MAML3: variants seen among roughly 807,000 people sequenced by gnomAD.
The protein encoded by MAML3 is mastermind like transcriptional coactivator 3, also known as mastermind-like protein 3.
MAML3 carries 27 observed loss-of-function variants against 101.9 expected under a neutral mutation model. That is an observed-to-expected ratio of 0.27 (90% CI 0.20 to 0.37). The LOEUF is 0.37. Ranked by LOEUF, MAML3 falls within the 10% of genes least tolerant of loss-of-function variation. The probability of loss-of-function intolerance (pLI) is 1.00; values close to 1 mark genes in which losing one functional copy is unlikely to be tolerated. For synonymous variants in MAML3, 501 were observed against 555.9 expected, an observed-to-expected ratio of 0.90 and a Z score of 1.39; for missense variants, 1,316 against 1,444.9, an observed-to-expected ratio of 0.91 and a Z score of 1.45.
At chr4:140,125,502 CTTA>C (rs1370480119) in intron 1 of MAML3, among the ~76,000 whole-genome samples, 3 of 152,118 alleles carry the variant, frequency 2.0e-5, no homozygotes, top group Non-Finnish European at 1.5e-5. Flanking sequence ...TGACTTTATT[CTTA>C]TTTGTCCTTT....
chr4:139,873,084 A>AAAAT (rs576589955), intron 2 of MAML3, among the ~76,000 whole-genome samples: 1,560 of 152,012 alleles, frequency 0.01, 10 homozygotes, highest in Admixed American at 0.015. Context: ...TCCATCTCAA[A>AAAAT]AAATAAATAA....
intron 2 of MAML3, among the ~76,000 whole-genome samples, chr4:139,777,851 T>C (rs1730120922): frequency 6.6e-6 from 1 of 152,224 alleles, no homozygotes; most frequent in Non-Finnish European, 1.5e-5. Flanking sequence ...TTACCCACCC[T>C]TCTCTCCCTG....
At chr4:139,821,316 C>G (rs1244017941) in intron 2 of MAML3, among the ~76,000 whole-genome samples, 1 of 152,108 alleles carries the variant, frequency 6.6e-6, no homozygotes, top group Non-Finnish European at 1.5e-5. Flanking sequence ...TGAGCATTAC[C>G]CCCTAAGCTC....
chr4:140,044,919 G>C (rs777838881), intron 1 of MAML3, among the ~76,000 whole-genome samples: 71 of 152,198 alleles, frequency 4.7e-4, no homozygotes, highest in Admixed American at 1.7e-3. Flanking sequence ...TCAGAGGCCA[G>C]AGATATTTAC....
intron 1 of MAML3, among the ~76,000 whole-genome samples, chr4:140,081,056 A>G (rs1578674988): frequency 6.6e-6 from 1 of 152,224 alleles, no homozygotes; most frequent in Admixed American, 6.5e-5. Context: ...GTTACAATGC[A>G]TAGACCACAT....
In MAML3 at chr4:139,719,702, G is replaced by A. The variant is rs777731210; in HGVS notation, c.3038C>T (p.Ala1013Val). The A allele has an allele frequency of 1.2e-6, 2 of 1,613,588 alleles. No homozygotes were observed. The highest frequency in any genetic ancestry group is 1.7e-6 in the Non-Finnish European group (2 of 1,179,784). Residue 1013 changes from alanine (A) to valine (V), a missense_variant, in exon 5 of 5, where the codon GCT becomes GTT. Ala to Val is a moderately conservative substitution (Grantham distance 64, BLOSUM62 0). Coordinates refer to ENST00000509479, the MANE Select transcript of MAML3 (RefSeq NM_018717.5). ...GAGGGTCCTCACTGTGCCCGTGTTA[G>A]CATCCACGACTGACTGGCTCAGTCC... ...PQGLSQSVVD[A>V]NTGTVRTLNP...
intron 1 of MAML3, among the ~76,000 whole-genome samples, chr4:140,028,584 T>C (rs1726862581): frequency 6.6e-6 from 1 of 152,214 alleles, no homozygotes; most frequent in Non-Finnish European, 1.5e-5. Context: ...TTATTTGTTT[T>C]CTTCTTTTTT....
At chr4:139,745,128 T>G (rs1579385266) in intron 2 of MAML3, among the ~76,000 whole-genome samples, 1 of 149,380 alleles carries the variant, frequency 6.7e-6, no homozygotes, top group African/African-American at 2.5e-5. Flanking sequence ...TGGATTTGAG[T>G]GAGAAGAGAA....
At chr4:140,031,886 A>G (rs1241562505) in intron 1 of MAML3, among the ~76,000 whole-genome samples, 1 of 152,176 alleles carries the variant, frequency 6.6e-6, no homozygotes, top group African/African-American at 2.4e-5. Context: ...AAATTCTCCT[A>G]CGTTTCTATT....
intron 1 of MAML3, among the ~76,000 whole-genome samples, chr4:139,988,144 T>A (rs1198832399): frequency 6.7e-6 from 1 of 149,802 alleles, no homozygotes; most frequent in Non-Finnish European, 1.5e-5. Flanking sequence ...CTGGCCAACA[T>A]GGCGAAACCC....
At chr4:140,104,289 G>A (rs752805484) in intron 1 of MAML3, among the ~76,000 whole-genome samples, 2 of 139,216 alleles carry the variant, frequency 1.4e-5, no homozygotes, top group South Asian at 4.5e-4. Flanking sequence ...GGAGGCTGAG[G>A]CAGGAGGATT....
chr4:140,025,205 T>A (rs1465011011), intron 1 of MAML3, among the ~76,000 whole-genome samples: 1 of 152,192 alleles, frequency 6.6e-6, no homozygotes, highest in Non-Finnish European at 1.5e-5. Context: ...GGGTTAGGTA[T>A]TAGATGATAC....
intron 1 of MAML3, among the ~76,000 whole-genome samples, chr4:140,067,738 T>C (rs2110947462): frequency 6.6e-6 from 1 of 150,604 alleles, no homozygotes; most frequent in South Asian, 2.1e-4. Flanking sequence ...TTTTTTTTTT[T>C]TTTTTTTTGA....
rs545821223 is a variant in MAML3, at chr4:139,885,857, C to T, written c.2079+3500G>A. On this transcript the variant is annotated intron_variant, in intron 2 of 4. Transcript: ENST00000509479. Reference sequence around the variant, plus strand: ...CTGAGGCAGGAGAATGGCGTGAACCCGGGAGGTGGAGTTTGCAGTGAGCAG... The same window carrying T: ...CTGAGGCAGGAGAATGGCGTGAACCTGGGAGGTGGAGTTTGCAGTGAGCAG... Among the ~76,000 whole-genome samples, 18 of 129,518 alleles carry T rather than the reference C, an allele frequency of 1.4e-4. No individual in the cohort carries two copies. The South Asian group carries it at 3.1e-3, about 22-fold the overall frequency. 85.0% of individuals were successfully genotyped at this position (129,518 alleles called of 152,430 possible). A position where few individuals can be genotyped will look rare whatever the true frequency, so the allele number is the denominator to read the frequency against.
chr4:140,112,085 A>G (rs747282618), intron 1 of MAML3, among the ~76,000 whole-genome samples: 29 of 152,194 alleles, frequency 1.9e-4, no homozygotes, highest in Admixed American at 1.4e-3. Flanking sequence ...TTGACTCTCT[A>G]AACAAGAGCT....
chr4:139,809,218 CACAGACAGCCAGA>C (rs1319517892), intron 2 of MAML3, among the ~76,000 whole-genome samples: 1 of 152,178 alleles, frequency 6.6e-6, no homozygotes, highest in Non-Finnish European at 1.5e-5. Context: ...TTGGTTTCTA[CACAGACAGCCAGA>C]ACTTAAGGTA....
chr4:140,067,078 C>T (rs1727549157), intron 1 of MAML3, among the ~76,000 whole-genome samples: 1 of 152,130 alleles, frequency 6.6e-6, no homozygotes, highest in East Asian at 1.9e-4. Flanking sequence ...GCCTTTTCTC[C>T]AATATTAAAG....
At chr4:139,724,611 T>C (rs145880078) in intron 4 of MAML3, among the ~76,000 whole-genome samples, 1 of 152,280 alleles carries the variant, frequency 6.6e-6, no homozygotes, top group East Asian at 1.9e-4. Flanking sequence ...AGGTAACTTT[T>C]GAGAAGCTAG....
rs1727999993 is a variant in MAML3 at position 139,717,033 on chromosome 4, A to T, written c.*2290T>A. The T allele has an allele frequency of 6.6e-6, 1 of 152,530 alleles. No homozygotes were observed. Among genetic ancestry groups the T allele is most frequent in the Admixed American group, 6.5e-5 (1 of 15,278 alleles). 9.4% of individuals were successfully genotyped at this position (152,530 alleles called of 1,614,324 possible). A position where few individuals can be genotyped will look rare whatever the true frequency, so the allele number is the denominator to read the frequency against. The stretch of plus-strand genomic sequence containing the variant: ...AAATAAAAATACTCTATTTTAAACA[A>T]ACAGTATATATATATTTATATGTAT... On this transcript the variant is annotated 3_prime_UTR_variant, in exon 5 of 5. Transcript: ENST00000509479.
Sources: allele counts gnomAD v4.1 joint callset (sites outside exome capture counted in the v4.1 genomes callset), GRCh38; gene constraint gnomAD v4.1.1; transcripts MANE v1.5; gene names NCBI Gene and HGNC (gene_info 2026-07-23, HGNC 2026-07-21).